The following NRXN3 variants were observed in gnomAD, a reference collection of about 807,000 sequenced individuals.
The protein encoded by NRXN3 is neurexin III.
In NRXN3, 32 loss-of-function variants were observed where a neutral mutation model predicts 137.6. The observed-to-expected ratio is 0.23, with a 90% confidence interval of 0.18 to 0.31. The LOEUF (loss-of-function observed/expected upper bound fraction) is 0.31, where lower values mean the gene tolerates loss of function less well. Ranked by LOEUF, NRXN3 falls within the 10% of genes least tolerant of loss-of-function variation. The pLI, the probability that NRXN3 is intolerant of heterozygous loss-of-function variation, is 1.00. For missense variants in NRXN3, 1,574 were observed against 2,062.5 expected (o/e 0.76, Z 4.59); for synonymous variants, 798 against 784.5 (o/e 1.02, Z -0.29).
chr14:78,872,901 G>A (rs754405612), intron 10 of NRXN3, among the ~76,000 whole-genome samples: 6 of 152,170 alleles, frequency 3.9e-5, no homozygotes, highest in South Asian at 2.1e-4. Flanking sequence ...TTATAACTTC[G>A]CACTGCTGTC....
At chr14:78,339,276 T>C (rs577039654) in intron 4 of NRXN3, among the ~76,000 whole-genome samples, 1 of 152,308 alleles carries the variant, frequency 6.6e-6, no homozygotes, top group South Asian at 2.1e-4. Context: ...TTTTAACTGA[T>C]GAAGAAACTG....
intron 1 of NRXN3, among the ~76,000 whole-genome samples, chr14:78,173,625 C>A (rs1163674451): frequency 6.9e-6 from 1 of 145,130 alleles, no homozygotes; most frequent in Non-Finnish European, 1.5e-5. Context: ...CTAGGCGCAC[C>A]CCCCCTTCCT....
At chr14:79,229,640 ACTC>A (rs2071747431) in intron 15 of NRXN3, among the ~76,000 whole-genome samples, 1 of 152,030 alleles carries the variant, frequency 6.6e-6, no homozygotes, top group Non-Finnish European at 1.5e-5. Flanking sequence ...GCGAAAACGA[ACTC>A]CTGGGAAGGG....
intron 15 of NRXN3, among the ~76,000 whole-genome samples, chr14:79,079,779 G>A (rs951626101): frequency 5.3e-5 from 8 of 152,070 alleles, no homozygotes; most frequent in African/African-American, 1.7e-4. Context: ...CACAAGGTCA[G>A]GAGTTCGAGA....
Position 79,761,690 on chromosome 14 carries a change from A to C in NRXN3, c.4015-43422A>C, listed in dbSNP as rs1228449860. On this transcript the variant is annotated intron_variant, in intron 19 of 20. Coordinates refer to ENST00000335750, the MANE Select transcript of NRXN3 (RefSeq NM_001330195.2). ...ACAAAGCGAGACTCTGTCTCAAAAA[A>C]AAAAAAAAAAAAAAAAAAATAGATC... 7.3e-5 allele frequency among the ~76,000 whole-genome samples: 11 copies of C among 150,050 alleles called. No homozygotes were observed. The East Asian group carries it at 9.7e-4, about 13-fold the overall frequency.
chr14:79,056,223 G>A (rs1206161009), intron 15 of NRXN3, among the ~76,000 whole-genome samples: 2 of 152,106 alleles, frequency 1.3e-5, no homozygotes, highest in African/African-American at 4.8e-5. Context: ...AGTATTTGGA[G>A]AGCTATCATG....
intron 1 of NRXN3, among the ~76,000 whole-genome samples, chr14:78,187,265 GTT>G (rs34593677): frequency 0.29 from 41,857 of 145,332 alleles, 6,936 homozygotes; most frequent in Middle Eastern, 0.44. Flanking sequence ...GTGTGTGTGT[GTT>G]TTTTTTTTTT....
chr14:79,834,087 T>C (rs550341512), intron 20 of NRXN3, among the ~76,000 whole-genome samples: 12 of 152,278 alleles, frequency 7.9e-5, no homozygotes, highest in African/African-American at 2.9e-4. Context: ...TAAAGTCCCA[T>C]TGTATGAAAA....
chr14:78,430,081 T>G (rs1191455907), intron 4 of NRXN3, among the ~76,000 whole-genome samples: 1 of 151,982 alleles, frequency 6.6e-6, no homozygotes, highest in Non-Finnish European at 1.5e-5. Context: ...AACAAATGTT[T>G]AAAAAAATTA....
chr14:78,290,604 A>C (rs562709650), intron 3 of NRXN3, among the ~76,000 whole-genome samples: 1 of 152,238 alleles, frequency 6.6e-6, no homozygotes, highest in South Asian at 2.1e-4. Flanking sequence ...GTGCCACTGC[A>C]CTCTAGCCTG....
At chr14:79,797,167 A>C (rs1036786590) in intron 19 of NRXN3, among the ~76,000 whole-genome samples, 7 of 152,228 alleles carry the variant, frequency 4.6e-5, no homozygotes, top group African/African-American at 1.7e-4. Context: ...TCAGTTTTAG[A>C]GAGCTCTGTT....
In NRXN3 at chr14:78,406,191, A is replaced by G. The variant is rs76377888; in HGVS notation, c.757+108331A>G. Among the ~76,000 whole-genome samples the G allele has an allele frequency of 7.0e-3, 1,069 of 152,354 alleles. 42 individuals are homozygous for G. The East Asian group carries it at 0.08, about 11-fold the overall frequency. ...TTTGAAGCATGAGCAGATGACAAAA[A>G]AGCCCAATCCAAACTGGCTTAAACA... On this transcript the variant is annotated intron_variant, in intron 4 of 20. Coordinates refer to ENST00000335750, the MANE Select transcript of NRXN3 (RefSeq NM_001330195.2).
At chr14:79,039,845 C>A (rs778428526) in intron 15 of NRXN3, among the ~76,000 whole-genome samples, 1 of 152,108 alleles carries the variant, frequency 6.6e-6, no homozygotes, top group Admixed American at 6.6e-5. Context: ...GTGCATGCCA[C>A]CATATCTGGC....
intron 4 of NRXN3, among the ~76,000 whole-genome samples, chr14:78,370,284 C>T (rs1019360913): frequency 6.7e-6 from 1 of 149,734 alleles, no homozygotes; most frequent in Admixed American, 6.8e-5. Context: ...GCACCAGCCA[C>T]ACAGAATTTC....
intron 15 of NRXN3, among the ~76,000 whole-genome samples, chr14:79,030,720 T>C (rs2099606986): frequency 6.6e-6 from 1 of 150,844 alleles, no homozygotes; most frequent in South Asian, 2.1e-4. Flanking sequence ...TGCTTTTGTG[T>C]CTCTGTCTTC....
chr14:78,886,331 C>T (rs2099143621), intron 10 of NRXN3, among the ~76,000 whole-genome samples: 2 of 151,966 alleles, frequency 1.3e-5, no homozygotes, highest in Admixed American at 1.3e-4. Context: ...TTGTCTCATC[C>T]ATTATTGTAT....
chr14:79,432,192 C>A (rs12590516), intron 15 of NRXN3, among the ~76,000 whole-genome samples: 1 of 152,146 alleles, frequency 6.6e-6, no homozygotes, highest in Admixed American at 6.5e-5. Context: ...TTAACCACTT[C>A]GGATTATGAC....
At chr14:79,687,475 T>C (rs986560451) in intron 17 of NRXN3, among the ~76,000 whole-genome samples, 4 of 152,202 alleles carry the variant, frequency 2.6e-5, no homozygotes, top group Non-Finnish European at 4.4e-5. Context: ...TACCACTACA[T>C]TGATTTTCTT....
chr14:79,864,144 C>A lies in NRXN3; in HGVS notation c.*2180C>A, dbSNP rs1403637163. On this transcript the variant is annotated 3_prime_UTR_variant, in exon 21 of 21. Coordinates refer to ENST00000335750, the MANE Select transcript of NRXN3 (RefSeq NM_001330195.2). ...ATTGCTGTTCTTGGAGTCTTGAGGTCTTGTGAATTGATTTCCTGCTTTCTT... is the reference window on the plus strand; with the variant it reads ...ATTGCTGTTCTTGGAGTCTTGAGGTATTGTGAATTGATTTCCTGCTTTCTT... 2 of 152,478 alleles carry A rather than the reference C, an allele frequency of 1.3e-5. No individual in the cohort carries two copies. The highest frequency in any genetic ancestry group is 2.9e-5 in the Non-Finnish European group (2 of 68,008). 9.4% of individuals were successfully genotyped at this position (152,478 alleles called of 1,614,324 possible). A position where few individuals can be genotyped will look rare whatever the true frequency, so the allele number is the denominator to read the frequency against.
Sources: gnomAD v4.1 joint callset for allele counts (sites outside exome capture counted in the v4.1 genomes callset) on GRCh38, gnomAD v4.1.1 for gene constraint, MANE v1.5 for transcripts, NCBI Gene and HGNC (gene_info 2026-07-23, HGNC 2026-07-21) for gene names.